Variants in KDM1B observed in about 807,000 individuals in gnomAD.
KDM1B encodes lysine-specific histone demethylase 2.
A neutral mutation model predicts 107.4 loss-of-function variants in KDM1B; 63 were observed. The observed-to-expected ratio is 0.59, with a 90% CI of 0.48 to 0.72. KDM1B has a LOEUF of 0.72. KDM1B is among the 30% of genes least tolerant of loss of function. The pLI, the probability that KDM1B is intolerant of heterozygous loss-of-function variation, is 0.00. For synonymous variants in KDM1B, 363 were observed against 363.9 expected, an observed-to-expected ratio of 1.00 and a Z score of 0.03; for missense variants, 749 against 1,020.8, an observed-to-expected ratio of 0.73 and a Z score of 3.63.
intron 9 of KDM1B, 141 bp downstream of exon 9, chr6:18,188,143 G>T: frequency 1.3e-6 from 1 of 743,366 alleles, no homozygotes; most frequent in Non-Finnish European, 2.2e-6. Flanking sequence ...CCAGCACTTT[G>T]GGTGGCCGAG....
rs1473238248 is a variant in KDM1B, at chr6:18,214,563, C to T, written c.2110-444C>T. Among the ~76,000 whole-genome samples the T allele has an allele frequency of 2.0e-5, 3 of 152,060 alleles. No individual in the cohort carries two copies. The highest frequency in any genetic ancestry group is 6.6e-5 in the Admixed American group (1 of 15,258). On this transcript the variant is annotated intron_variant, in intron 19 of 21. Transcript: ENST00000650836. The surrounding 1 kb of genome is among the most constrained non-coding windows in gnomAD (Gnocchi z 4.4). Reference sequence around the variant, plus strand: ...AGTGTTTGCGAGGAAAATGGACTGGCGAGTGACGTGCGGATAAGGGACAGC... The same window carrying T: ...AGTGTTTGCGAGGAAAATGGACTGGTGAGTGACGTGCGGATAAGGGACAGC...
intron 9 of KDM1B, among the ~76,000 whole-genome samples, chr6:18,190,839 G>A (rs426405): frequency 0.1 from 15,860 of 151,266 alleles, 922 homozygotes; most frequent in South Asian, 0.23. Flanking sequence ...GATGGAGGTC[G>A]CAGTAAGCCG....
At chr6:18,165,698 C>T (rs12190284) in intron 5 of KDM1B, among the ~76,000 whole-genome samples, 2,531 of 152,258 alleles carry the variant, frequency 0.017, 39 homozygotes, top group Non-Finnish European at 0.024. Flanking sequence ...TGGCAGGTGC[C>T]TTTAATCCCA....
intron 10 of KDM1B, among the ~76,000 whole-genome samples, chr6:18,194,527 CT>C (rs1203151900): frequency 6.6e-6 from 1 of 152,198 alleles, no homozygotes; most frequent in African/African-American, 2.4e-5. Context: ...TTGTCTCCTT[CT>C]TTTTCCCCAC....
rs188062073 is a variant in KDM1B, at chr6:18,184,436, G to C, written c.535-1336G>C. Among the ~76,000 whole-genome samples the C allele has an allele frequency of 5.6e-3, 844 of 151,602 alleles. 7 individuals are homozygous for C. Among genetic ancestry groups the C allele is most frequent in the African/African-American group, 0.019 (784 of 41,366 alleles). On this transcript the variant is annotated intron_variant, in intron 7 of 21. Coordinates refer to ENST00000650836, the MANE Select transcript of KDM1B (RefSeq NM_001364614.2). Reference sequence around the variant, plus strand: ...ATTACAGGTGCGCACCACCATGCCCGGCTAATTTTTGTATTTTTAGTAGAG... The same window carrying C: ...ATTACAGGTGCGCACCACCATGCCCCGCTAATTTTTGTATTTTTAGTAGAG...
intron 12 of KDM1B, among the ~76,000 whole-genome samples, chr6:18,198,960 G>A (rs1464266675): frequency 5.0e-5 from 7 of 140,170 alleles, no homozygotes; most frequent in African/African-American, 1.9e-4. Flanking sequence ...CTTGAGCTCA[G>A]GAGTTTGAGA....
intron 7 of KDM1B, among the ~76,000 whole-genome samples, chr6:18,179,554 AC>A (rs1786287452): frequency 1.6e-4 from 24 of 152,170 alleles, no homozygotes; most frequent in Admixed American, 1.6e-3. Context: ...AGTTTCTTTA[AC>A]AGATATATGG....
chr6:18,217,662 A>T, intron 20 of KDM1B, 71 bp from the exon 21 acceptor site: 2 of 1,333,700 alleles, frequency 1.5e-6, no homozygotes, highest in Admixed American at 3.6e-5. Context: ...GACTACAGGC[A>T]TGAGTCACTG....
At chr6:18,216,667 C>A (rs73366534) in intron 20 of KDM1B, among the ~76,000 whole-genome samples, 3,738 of 152,242 alleles carry the variant, frequency 0.025, 148 homozygotes, top group African/African-American at 0.085. Flanking sequence ...AGTCATGCAC[C>A]GTTCTGAAGA....
intron 6 of KDM1B, among the ~76,000 whole-genome samples, chr6:18,169,290 A>G (rs907065580): frequency 7.3e-5 from 11 of 150,620 alleles, no homozygotes; most frequent in East Asian, 3.9e-4. Flanking sequence ...CTGCAGTGCA[A>G]TGGTGCCATC....
rs1038169637 is a variant in KDM1B at position 18,191,368 on chromosome 6, A to G, written c.956A>G (p.Tyr319Cys). Residue 319 changes from tyrosine (Y) to cysteine (C), a missense_variant, in exon 10 of 22, where the codon TAT (tyrosine) becomes TGT (cysteine). Coordinates refer to ENST00000650836, the MANE Select transcript of KDM1B (RefSeq NM_001364614.2). The surrounding 1 kb of genome is among the most constrained non-coding windows in gnomAD (Gnocchi z 5.1). The part of the protein sequence containing the change: ...ALRNLILALW[Y>C]TNCKEALTPQ... ...AGAAACCTCATCCTCGCACTGTGGT[A>G]TACTAACTGCAAAGTAAGTAAGGGC... 1.3e-5 allele frequency: 20 copies of G among 1,550,908 alleles called. No homozygotes were observed. The African/African-American group carries it at 2.1e-4, about 16-fold the overall frequency.
In KDM1B at chr6:18,201,764, T is replaced by A; in HGVS notation, c.1531+107T>A. ...GCGAGGTCGGATGTCGGCAACAGGG[T>A]AGCCCTCCTGAGCATTTCTTTTGGA... On this transcript the variant is annotated intron_variant, in intron 14 of 21. Coordinates refer to ENST00000650836, the MANE Select transcript of KDM1B (RefSeq NM_001364614.2). This position sits in a 1 kb window ranked among gnomAD's most constrained non-coding sequence, Gnocchi z 4.3. 1 of 938,042 alleles carries A rather than the reference T, an allele frequency of 1.1e-6. No individual in the cohort carries two copies. 58.1% of individuals were successfully genotyped at this position (938,042 alleles called of 1,614,324 possible).
rs1329370780 is a variant in KDM1B, at chr6:18,183,336, C to T, written c.535-2436C>T. Among the ~76,000 whole-genome samples, 17 of 137,094 alleles carry T rather than the reference C, an allele frequency of 1.2e-4. No individual in the cohort carries two copies. The East Asian group carries it at 3.2e-3, about 26-fold the overall frequency. 89.9% of individuals were successfully genotyped at this position (137,094 alleles called of 152,430 possible). ...AGGCTGGAGTGCAATGGCGCAGTCT[C>T]GGCTCATTGCAACCTCCACCTCCCA... On this transcript the variant is annotated intron_variant, in intron 7 of 21. Transcript: ENST00000650836.
rs1788032439 is a variant in KDM1B, at chr6:18,201,534, G to A, written c.1408G>A (p.Glu470Lys). Residue 470 changes from glutamate to lysine, a missense_variant, in exon 14 of 22, where the codon GAA becomes AAA. Coordinates refer to ENST00000650836, the MANE Select transcript of KDM1B (RefSeq NM_001364614.2). The surrounding 1 kb of genome is among the most constrained non-coding windows in gnomAD (Gnocchi z 4.3). The stretch of plus-strand genomic sequence containing the variant: ...TGGAGAAAGATGTGACTTAATTCAG[G>A]AAGGTGGAAGAATAACTGACCCCAC... ...KFGERCDLIQ[E>K]GGRITDPTID... is the part of the protein sequence containing the mutation. The A allele has an allele frequency of 6.5e-7, 1 of 1,550,366 alleles. No individual in the cohort carries two copies. The highest frequency in any genetic ancestry group is 8.7e-7 in the Non-Finnish European group (1 of 1,146,836).
chr6:18,205,564 T>G lies in KDM1B; in HGVS notation c.1559T>G (p.Phe520Cys). The G allele has an allele frequency of 6.5e-7, 1 of 1,547,180 alleles. No individual in the cohort carries two copies. Among genetic ancestry groups the G allele is most frequent in the Non-Finnish European group, 8.7e-7 (1 of 1,145,162 alleles). ...GEKIEEIYKAFIKESGIQFSE... is the reference protein window; with the variant it reads ...GEKIEEIYKACIKESGIQFSE... ...AAGATAGAAGAAATCTACAAGGCATTTATTAAGGAATCTGGTATCCAATTC... is the reference window on the plus strand; with the variant it reads ...AAGATAGAAGAAATCTACAAGGCATGTATTAAGGAATCTGGTATCCAATTC... The change falls in exon 15 of 22, where the codon TTT (phenylalanine) becomes TGT (cysteine). Residue 520 changes from phenylalanine to cysteine, a missense_variant. Transcript: ENST00000650836. This position sits in a 1 kb window ranked among gnomAD's most constrained non-coding sequence, Gnocchi z 5.7.
intron 6 of KDM1B, among the ~76,000 whole-genome samples, chr6:18,166,800 G>C (rs1785327320): frequency 6.6e-6 from 1 of 151,156 alleles, no homozygotes; most frequent in Non-Finnish European, 1.5e-5. Context: ...GCTGTAGTGA[G>C]CTATGATTAC....
At chr6:18,171,153 C>T (rs551585138) in intron 6 of KDM1B, among the ~76,000 whole-genome samples, 2 of 152,256 alleles carry the variant, frequency 1.3e-5, no homozygotes, top group Admixed American at 1.3e-4. Flanking sequence ...ACTCAGATCC[C>T]CTTGGCACTT....
At chr6:18,174,684 T>G (rs1785879310) in intron 7 of KDM1B, among the ~76,000 whole-genome samples, 1 of 152,034 alleles carries the variant, frequency 6.6e-6, no homozygotes. Context: ...ATAGCTTAGC[T>G]TCCACATATC....
chr6:18,174,857 C>T (rs145416381), intron 7 of KDM1B, among the ~76,000 whole-genome samples: 489 of 152,258 alleles, frequency 3.2e-3, no homozygotes, highest in Middle Eastern at 6.8e-3. Flanking sequence ...TGTACACATA[C>T]GCACACACTG....
Sources: gnomAD v4.1 joint callset for allele counts (sites outside exome capture counted in the v4.1 genomes callset) on GRCh38, gnomAD v4.1.1 for gene constraint, Gnocchi (gnomAD v3.1) non-coding constraint, MANE v1.5 for transcripts, NCBI Gene and HGNC (gene_info 2026-07-23, HGNC 2026-07-21) for gene names.